SLC4A4: variants seen among roughly 807,000 people sequenced by gnomAD.
SLC4A4 encodes the protein solute carrier family 4 member 4.
Under a neutral mutation model 111.5 loss-of-function variants are expected in SLC4A4, and 27 were observed. The ratio of observed to expected loss-of-function variants is 0.24; its 90% CI spans 0.18 to 0.33. The LOEUF (loss-of-function observed/expected upper bound fraction) is 0.33, where lower values mean the gene tolerates loss of function less well. SLC4A4 is among the 10% of genes least tolerant of loss of function. The pLI is 1.00. For synonymous variants in SLC4A4, 443 were observed against 463.4 expected (o/e 0.96, Z 0.57); for missense variants, 909 against 1,315.5 (o/e 0.69, Z 4.78).
chr4:71,137,869 GTCACAAAGAAATT>G (rs1403045867), intron 2 of SLC4A4, among the ~76,000 whole-genome samples: 2 of 152,156 alleles, frequency 1.3e-5, no homozygotes, highest in Non-Finnish European at 2.9e-5. Context: ...GGAAGTTTCA[GTCACAAAGAAATT>G]TCACAAAGAA....
chr4:71,245,233 G>T (rs1293149348), intron 2 of SLC4A4, among the ~76,000 whole-genome samples: 2 of 152,150 alleles, frequency 1.3e-5, no homozygotes, highest in Non-Finnish European at 2.9e-5. Flanking sequence ...GGTCTTTTAT[G>T]TTATGCTAAA....
intron 3 of SLC4A4, among the ~76,000 whole-genome samples, chr4:71,259,540 AGAC>A (rs1343674440): frequency 6.6e-6 from 1 of 151,860 alleles, no homozygotes; most frequent in Admixed American, 6.6e-5. Context: ...CAAGCAGGAG[AGAC>A]AAGGGAATGA....
At chr4:71,089,612 A>T (rs1456177158) in intron 1 of SLC4A4, among the ~76,000 whole-genome samples, 1 of 151,978 alleles carries the variant, frequency 6.6e-6, no homozygotes, top group Non-Finnish European at 1.5e-5. Flanking sequence ...TTTTCCTTCT[A>T]ACAGTCAGGA....
chr4:71,521,425 G>A lies in SLC4A4; in HGVS notation c.2167-10637G>A, dbSNP rs552645259. Reference sequence around the variant, plus strand: ...TTTATTTTTATTTTTGTAGAGATGGGGTGTTACTGTGTCGCCCAGGCTAGT... The same window carrying A: ...TTTATTTTTATTTTTGTAGAGATGGAGTGTTACTGTGTCGCCCAGGCTAGT... On this transcript the variant is annotated intron_variant, in intron 16 of 25. Transcript: ENST00000264485. Among the ~76,000 whole-genome samples, 3 of 151,910 alleles carry A rather than the reference G, an allele frequency of 2.0e-5. No homozygotes were observed. The South Asian group carries it at 6.2e-4, about 32-fold the overall frequency.
intron 23 of SLC4A4, among the ~76,000 whole-genome samples, 199 bp from the exon 24 acceptor site, chr4:71,563,594 A>G (rs1449053366): frequency 2.6e-5 from 4 of 151,854 alleles, no homozygotes; most frequent in Non-Finnish European, 4.4e-5. Flanking sequence ...ACTCAATACC[A>G]TTAACTTAGA....
chr4:71,245,204 T>C (rs935932516), intron 2 of SLC4A4, among the ~76,000 whole-genome samples: 2 of 152,160 alleles, frequency 1.3e-5, no homozygotes, highest in African/African-American at 4.8e-5. Context: ...CTGAGGTGGA[T>C]AGGACCCAGA....
At chr4:71,450,143 T>A (rs1725622946) in intron 9 of SLC4A4, among the ~76,000 whole-genome samples, 1 of 152,166 alleles carries the variant, frequency 6.6e-6, no homozygotes, top group African/African-American at 2.4e-5. Context: ...TGTTTTATAT[T>A]ATTGGTAGGA....
chr4:71,297,930 C>A (rs1014328582), intron 3 of SLC4A4, among the ~76,000 whole-genome samples: 1 of 152,126 alleles, frequency 6.6e-6, no homozygotes, highest in African/African-American at 2.4e-5. Flanking sequence ...TTAACCAATA[C>A]ATTCATTTCC....
At chr4:71,366,562 C>A (rs966236152) in intron 6 of SLC4A4, among the ~76,000 whole-genome samples, 1 of 152,156 alleles carries the variant, frequency 6.6e-6, no homozygotes, top group African/African-American at 2.4e-5. Context: ...GTAATATAAA[C>A]CAATTTCTAC....
chr4:71,253,924 CT>C (rs1721256179), intron 2 of SLC4A4, among the ~76,000 whole-genome samples: 1 of 152,164 alleles, frequency 6.6e-6, no homozygotes, highest in Non-Finnish European at 1.5e-5. Flanking sequence ...CATTGCTTAG[CT>C]GGAATATCTT....
chr4:71,376,149 G>GTATA (rs576894831), intron 6 of SLC4A4, among the ~76,000 whole-genome samples: 6 of 53,782 alleles, frequency 1.1e-4, no homozygotes, highest in African/African-American at 3.5e-4. Flanking sequence ...ATATATACCT[G>GTATA]TATATATACA....
At chr4:71,142,316 A>T (rs991311757) in intron 2 of SLC4A4, among the ~76,000 whole-genome samples, 1 of 152,228 alleles carries the variant, frequency 6.6e-6, no homozygotes, top group Non-Finnish European at 1.5e-5. Context: ...AACACTGCAT[A>T]TAAAAAGAGT....
intron 6 of SLC4A4, among the ~76,000 whole-genome samples, chr4:71,396,134 G>T (rs79732872): frequency 1.3e-5 from 2 of 151,980 alleles, no homozygotes; most frequent in African/African-American, 2.4e-5. Flanking sequence ...CCTTCAAAGG[G>T]GTTCTTTTAA....
At chr4:71,496,987 C>T (rs1159864264) in intron 15 of SLC4A4, among the ~76,000 whole-genome samples, 1 of 152,074 alleles carries the variant, frequency 6.6e-6, no homozygotes, top group Admixed American at 6.6e-5. Context: ...AATCACCAGT[C>T]CCTAGTTATT....
chr4:71,506,130 C>A lies in SLC4A4; in HGVS notation c.2166+8438C>A, dbSNP rs545252609. Among the ~76,000 whole-genome samples, 3 of 152,212 alleles carry A rather than the reference C, an allele frequency of 2.0e-5. No homozygotes were observed. In the East Asian group the frequency reaches 5.8e-4, roughly 29 times the overall value. ...AAGTCAGGTAGCATGATGCCTCCAGCATTGTTCTTTTTGCTTAGGATTGCA... is the reference window on the plus strand; with the variant it reads ...AAGTCAGGTAGCATGATGCCTCCAGAATTGTTCTTTTTGCTTAGGATTGCA... On this transcript the variant is annotated intron_variant, in intron 16 of 25. Transcript: ENST00000264485.
intron 6 of SLC4A4, among the ~76,000 whole-genome samples, chr4:71,394,300 A>G (rs1394476400): frequency 6.6e-6 from 1 of 151,776 alleles, no homozygotes; most frequent in African/African-American, 2.4e-5. Flanking sequence ...ACTCAAACAA[A>G]TTAGTAAGGA....
At chr4:71,177,746 C>T (rs1745145293) in intron 2 of SLC4A4, among the ~76,000 whole-genome samples, 1 of 152,146 alleles carries the variant, frequency 6.6e-6, no homozygotes, top group African/African-American at 2.4e-5. Context: ...TTTAACACCC[C>T]ACTGTCAACA....
At chr4:71,505,592 C>A (rs190666537) in intron 16 of SLC4A4, among the ~76,000 whole-genome samples, 115 of 151,918 alleles carry the variant, frequency 7.6e-4, no homozygotes, top group African/African-American at 2.7e-3. Flanking sequence ...GGATATTAGA[C>A]CTTTGTCGGA....
intron 14 of SLC4A4, 44 bp from the exon 15 acceptor site, chr4:71,486,904 C>G: frequency 8.0e-7 from 1 of 1,244,660 alleles, no homozygotes; most frequent in Non-Finnish European, 1.2e-6. Context: ...AGGTCTTTTT[C>G]TATTTTAGTT....
Sources: gnomAD v4.1 joint callset for allele counts (sites outside exome capture counted in the v4.1 genomes callset) on GRCh38, gnomAD v4.1.1 for gene constraint, MANE v1.5 for transcripts, NCBI Gene and HGNC (gene_info 2026-07-23, HGNC 2026-07-21) for gene names.